The following ACOXL variants were observed in gnomAD, a reference collection of about 807,000 sequenced individuals.
ACOXL encodes the protein acyl-coenzyme A oxidase-like protein.
ACOXL carries 70 observed loss-of-function variants against 71.9 expected under a neutral mutation model. The observed-to-expected ratio is 0.97, with a 90% CI of 0.80 to 1.19. ACOXL has a LOEUF of 1.19. ACOXL is among the 50% of genes most tolerant of loss of function. The probability of loss-of-function intolerance (pLI) is 0.00; values close to 1 mark genes in which losing one functional copy is unlikely to be tolerated. For synonymous variants in ACOXL, 253 were observed against 281.6 expected (o/e 0.90, Z 1.02); for missense variants, 703 against 736.3 (o/e 0.95, Z 0.52).
rs544359044 is a variant in ACOXL, at chr2:110,841,392, C to A, written c.775C>A (p.Arg259Ser). The stretch of plus-strand genomic sequence containing the variant: ...ACAGCTTGGGTTGACGATAGCCATT[C>A]GCTATAGCCACAGGTAAATGTTTAC... ...AMKLGLTIAI[R>S]YSHSRRQFGP... is the part of the protein sequence containing the mutation. The change falls in exon 10 of 18, where the codon CGC becomes AGC. Residue 259 changes from arginine to serine, a missense_variant. Transcript: ENST00000439055. 2.5e-6 allele frequency: 4 copies of A among 1,609,490 alleles called. No homozygotes were observed. In the African/African-American group the frequency reaches 5.3e-5, roughly 22 times the overall value.
intron 17 of ACOXL, among the ~76,000 whole-genome samples, chr2:111,105,497 A>G (rs907807965): frequency 6.6e-6 from 1 of 152,010 alleles, no homozygotes; most frequent in Non-Finnish European, 1.5e-5. Context: ...ATCTACACTG[A>G]TTTATTTCGT....
chr2:111,097,309 G>A (rs1367499573), intron 17 of ACOXL, among the ~76,000 whole-genome samples: 6 of 152,254 alleles, frequency 3.9e-5, no homozygotes, highest in East Asian at 1.9e-4. Context: ...ACAACAACCC[G>A]GTGAAAAATT....
chr2:110,753,892 T>C (rs540561075), intron 1 of ACOXL, among the ~76,000 whole-genome samples: 1 of 152,292 alleles, frequency 6.6e-6, no homozygotes, highest in South Asian at 2.1e-4. Context: ...GTTGTCATTA[T>C]TTTAAAAATT....
intron 11 of ACOXL, among the ~76,000 whole-genome samples, chr2:110,909,766 C>T (rs772404811): frequency 2.7e-5 from 4 of 150,402 alleles, no homozygotes; most frequent in East Asian, 1.9e-4. Context: ...ATTGCCCAGG[C>T]GTCGCTGGCA....
chr2:110,874,138 C>T (rs540359688), intron 10 of ACOXL, among the ~76,000 whole-genome samples: 5 of 152,314 alleles, frequency 3.3e-5, no homozygotes, highest in Admixed American at 2.6e-4. Context: ...AAAAGGGAGA[C>T]CAGCCCCCAC....
At position 111,015,089 on chromosome 2, in the gene ACOXL, C is replaced by T. The variant is rs377528692; in HGVS notation, c.1282-16538C>T. Reference sequence around the variant, plus strand: ...ATTTCTCAAAAAGACACAAAAAGTACTAATTGGTAAATTAAATCTTGATAA... The same window carrying T: ...ATTTCTCAAAAAGACACAAAAAGTATTAATTGGTAAATTAAATCTTGATAA... On this transcript the variant is annotated intron_variant, in intron 14 of 17. Transcript: ENST00000439055. Among the ~76,000 whole-genome samples the T allele has an allele frequency of 2.3e-4, 35 of 152,298 alleles. 3 individuals carry two copies. The South Asian group carries it at 6.6e-3, about 29-fold the overall frequency.
intron 14 of ACOXL, among the ~76,000 whole-genome samples, chr2:111,003,678 T>A (rs1383943165): frequency 1.3e-5 from 2 of 151,338 alleles, no homozygotes; most frequent in Non-Finnish European, 2.9e-5. Flanking sequence ...GTTACAAGGA[T>A]GTATTAAGAT....
chr2:110,982,682 T>G (rs1412680858), intron 12 of ACOXL, among the ~76,000 whole-genome samples: 4 of 152,188 alleles, frequency 2.6e-5, no homozygotes, highest in African/African-American at 9.7e-5. Flanking sequence ...AAATATAGGA[T>G]GCCCAGCTAC....
At chr2:110,858,987 T>C (rs2148969957) in intron 10 of ACOXL, among the ~76,000 whole-genome samples, 1 of 152,334 alleles carries the variant, frequency 6.6e-6, no homozygotes, top group South Asian at 2.1e-4. Context: ...ACAATAAAAT[T>C]CGCCACTCAT....
At chr2:110,911,926 A>G (rs1394853839) in intron 11 of ACOXL, among the ~76,000 whole-genome samples, 3 of 152,090 alleles carry the variant, frequency 2.0e-5, no homozygotes, top group Non-Finnish European at 4.4e-5. Flanking sequence ...AGCTATCCCT[A>G]TTTGCAGATG....
At chr2:110,883,037 C>T (rs1164813187) in intron 10 of ACOXL, among the ~76,000 whole-genome samples, 1 of 151,822 alleles carries the variant, frequency 6.6e-6, no homozygotes, top group East Asian at 1.9e-4. Context: ...TGCCAGTTTC[C>T]AGTGTCCCAT....
intron 10 of ACOXL, among the ~76,000 whole-genome samples, chr2:110,894,108 C>A (rs1323091767): frequency 6.6e-6 from 1 of 152,060 alleles, no homozygotes; most frequent in Admixed American, 6.6e-5. Flanking sequence ...TTGAAACCTG[C>A]AATAGAACTT....
At chr2:111,035,482 G>C (rs2065467867) in intron 15 of ACOXL, among the ~76,000 whole-genome samples, 1 of 152,162 alleles carries the variant, frequency 6.6e-6, no homozygotes, top group African/African-American at 2.4e-5. Flanking sequence ...GAGAAAGGAG[G>C]CACTTTTATT....
At chr2:110,857,708 A>G (rs996433223) in intron 10 of ACOXL, among the ~76,000 whole-genome samples, 3 of 151,804 alleles carry the variant, frequency 2.0e-5, no homozygotes, top group Admixed American at 6.6e-5. Flanking sequence ...TATTTTTAAC[A>G]TAGTTTTTGT....
At chr2:110,974,167 C>T (rs1283863929) in intron 12 of ACOXL, among the ~76,000 whole-genome samples, 2 of 152,196 alleles carry the variant, frequency 1.3e-5, no homozygotes, top group African/African-American at 2.4e-5. Context: ...GGGCTGGATC[C>T]TGCTTTGATT....
chr2:110,897,076 A>G (rs2059039528), intron 10 of ACOXL, among the ~76,000 whole-genome samples: 1 of 152,188 alleles, frequency 6.6e-6, no homozygotes, highest in Non-Finnish European at 1.5e-5. Flanking sequence ...AACAAAGATA[A>G]CAGGAAAACT....
At chr2:111,019,611 C>G (rs1397260978) in intron 14 of ACOXL, among the ~76,000 whole-genome samples, 1 of 152,222 alleles carries the variant, frequency 6.6e-6, no homozygotes, top group Non-Finnish European at 1.5e-5. Flanking sequence ...CAAACACGTA[C>G]CGTTTCCCAC....
intron 10 of ACOXL, among the ~76,000 whole-genome samples, chr2:110,905,141 C>T (rs1248035287): frequency 6.6e-6 from 1 of 152,090 alleles, no homozygotes; most frequent in Non-Finnish European, 1.5e-5. Flanking sequence ...ATGAAATGCT[C>T]AGGGCATTCC....
At chr2:110,838,107 A>G (rs1247776060) in intron 9 of ACOXL, among the ~76,000 whole-genome samples, 1 of 152,216 alleles carries the variant, frequency 6.6e-6, no homozygotes, top group Non-Finnish European at 1.5e-5. Flanking sequence ...ATGCACCTAT[A>G]TATGAGTGTG....
Sources: allele counts gnomAD v4.1 joint callset (sites outside exome capture counted in the v4.1 genomes callset), GRCh38; gene constraint gnomAD v4.1.1; transcripts MANE v1.5; gene names NCBI Gene and HGNC (gene_info 2026-07-23, HGNC 2026-07-21).